The following TYR variants were observed in gnomAD, a reference collection of about 807,000 sequenced individuals.
TYR encodes tyrosinase.
In TYR, 58 loss-of-function variants were observed where a neutral mutation model predicts 51.5. The ratio of observed to expected loss-of-function variants is 1.13; its 90% CI spans 0.91 to 1.40. TYR has a LOEUF of 1.40. Among genes scored for constraint, TYR ranks in the 40% most tolerant of loss-of-function variants. TYR has a pLI of 0.00. For missense variants in TYR, 732 were observed against 647.4 expected, an observed-to-expected ratio of 1.13 and a Z score of -1.42; for synonymous variants, 263 against 235.2, an observed-to-expected ratio of 1.12 and a Z score of -1.08.
At chr11:89,182,741 T>C (rs937467206) in intron 1 of TYR, among the ~76,000 whole-genome samples, 2 of 152,124 alleles carry the variant, frequency 1.3e-5, no homozygotes, top group African/African-American at 2.4e-5. Flanking sequence ...GAGGGTTGCT[T>C]AATAACATTT....
intron 4 of TYR, among the ~76,000 whole-genome samples, chr11:89,294,425 A>G (rs952422749): frequency 5.3e-5 from 8 of 152,134 alleles, no homozygotes; most frequent in African/African-American, 1.9e-4. Flanking sequence ...CTTTACTTTC[A>G]GAGTCCTGAG....
At position 89,215,785 on chromosome 11, in the gene TYR, A is replaced by T. The variant is rs151210327; in HGVS notation, c.1037-12038A>T. 2.3e-3 allele frequency among the ~76,000 whole-genome samples: 356 copies of T among 152,204 alleles called. 3 individuals are homozygous for T. Among genetic ancestry groups the T allele is most frequent in the African/African-American group, 8.0e-3 (332 of 41,544 alleles). On this transcript the variant is annotated intron_variant, in intron 2 of 4. Coordinates refer to ENST00000263321, the MANE Select transcript of TYR (RefSeq NM_000372.5). ...TTAGAAATGTCATAAGAATCCCACC[A>T]TTTTTGGAGAGAGATCATTAATACT...
At chr11:89,248,209 T>A (rs1944289909) in intron 3 of TYR, among the ~76,000 whole-genome samples, 2 of 152,180 alleles carry the variant, frequency 1.3e-5, no homozygotes, top group Admixed American at 6.5e-5. Flanking sequence ...AGCACACAAT[T>A]ACTAGATAGA....
intron 4 of TYR, among the ~76,000 whole-genome samples, chr11:89,289,468 G>A (rs918085818): frequency 6.6e-6 from 1 of 151,932 alleles, no homozygotes; most frequent in Admixed American, 6.6e-5. Context: ...TGCATTCCCT[G>A]ACTTCACAGA....
At chr11:89,291,813 T>C (rs1590907129) in intron 4 of TYR, among the ~76,000 whole-genome samples, 1 of 151,976 alleles carries the variant, frequency 6.6e-6, no homozygotes, top group Non-Finnish European at 1.5e-5. Context: ...TGTTAATTCA[T>C]CAAGTTTATC....
intron 2 of TYR, among the ~76,000 whole-genome samples, chr11:89,194,264 A>G (rs1181939366): frequency 6.6e-6 from 1 of 152,032 alleles, no homozygotes; most frequent in Non-Finnish European, 1.5e-5. Context: ...AACATTCTTC[A>G]TTTTGAGTGT....
At chr11:89,277,009 G>A (rs896743237) in intron 3 of TYR, among the ~76,000 whole-genome samples, 8 of 151,656 alleles carry the variant, frequency 5.3e-5, no homozygotes, top group Admixed American at 5.3e-4. Context: ...CATTTATATT[G>A]TCTCATTTTA....
At chr11:89,236,234 A>G (rs911879592) in intron 3 of TYR, among the ~76,000 whole-genome samples, 4 of 132,710 alleles carry the variant, frequency 3.0e-5, no homozygotes, top group African/African-American at 6.2e-5. Flanking sequence ...TCACACACAC[A>G]TACACACACA....
Position 89,227,809 on chromosome 11 carries a change from T to A in TYR, c.1037-14T>A. On this transcript the variant is annotated splice_polypyrimidine_tract_variant and intron_variant, in intron 2 of 4. Coordinates refer to ENST00000263321, the MANE Select transcript of TYR (RefSeq NM_000372.5). ...AAAGTAAACATATTTTTTTCATTTT[T>A]TTTTAATGAACAGGATTTGCTAGTC... 6.2e-7 allele frequency: 1 copy of A among 1,610,364 alleles called. No individual in the cohort carries two copies. Among genetic ancestry groups the A allele is most frequent in the Non-Finnish European group, 8.5e-7 (1 of 1,178,770 alleles).
chr11:89,201,841 ATTTCT>A (rs1003307372), intron 2 of TYR, among the ~76,000 whole-genome samples: 2 of 152,176 alleles, frequency 1.3e-5, no homozygotes, highest in Non-Finnish European at 2.9e-5. Context: ...TTGTAGAATA[ATTTCT>A]TTTTTAAAAA....
intron 3 of TYR, among the ~76,000 whole-genome samples, chr11:89,246,035 C>A (rs1417332107): frequency 6.6e-6 from 1 of 152,002 alleles, no homozygotes; most frequent in Non-Finnish European, 1.5e-5. Flanking sequence ...GAAGCTTGGG[C>A]CAGCAGTTTT....
intron 4 of TYR, among the ~76,000 whole-genome samples, chr11:89,293,189 A>C (rs1057396943): frequency 1.1e-4 from 16 of 152,150 alleles, no homozygotes; most frequent in Admixed American, 7.9e-4. Context: ...GTATGGCTTC[A>C]GGAAAATTTT....
At chr11:89,212,232 C>T (rs1223835175) in intron 2 of TYR, among the ~76,000 whole-genome samples, 2 of 151,962 alleles carry the variant, frequency 1.3e-5, no homozygotes, top group Non-Finnish European at 2.9e-5. Context: ...CAAATATATG[C>T]AATAAGAAAT....
intron 3 of TYR, among the ~76,000 whole-genome samples, chr11:89,239,722 A>T (rs1419058155): frequency 1.3e-5 from 2 of 151,998 alleles, no homozygotes; most frequent in Non-Finnish European, 2.9e-5. Context: ...GCATCCCATA[A>T]GTTTTAGTAG....
At chr11:89,236,270 A>G (rs1055989718) in intron 3 of TYR, among the ~76,000 whole-genome samples, 2 of 151,956 alleles carry the variant, frequency 1.3e-5, no homozygotes, top group African/African-American at 4.8e-5. Flanking sequence ...GACAAGAGAA[A>G]GAGGTTTTTT....
Position 89,178,562 on chromosome 11 carries a change from A to G in TYR, c.609A>G (p.Glu203=). Residue 203 remains glutamate (E), a synonymous_variant, in exon 1 of 5, where the codon GAA becomes GAG. Transcript: ENST00000263321. ...EIWRDIDFAH[E]APAFLPWHRL... is the part of the protein sequence containing the mutation. ...GGAGAGACATTGATTTTGCCCATGA[A>G]GCACCAGCTTTTCTGCCTTGGCATA... 3.1e-6 allele frequency: 5 copies of G among 1,614,184 alleles called. No individual in the cohort carries two copies. The highest frequency in any genetic ancestry group is 4.2e-6 in the Non-Finnish European group (5 of 1,180,046).
chr11:89,289,484 A>G (rs1944832207), intron 4 of TYR, among the ~76,000 whole-genome samples: 1 of 151,996 alleles, frequency 6.6e-6, no homozygotes, highest in Non-Finnish European at 1.5e-5. Context: ...ACAGAGATGT[A>G]GGAAGTCTTT....
chr11:89,285,840 G>A (rs1343092806), intron 4 of TYR, among the ~76,000 whole-genome samples: 1 of 151,716 alleles, frequency 6.6e-6, no homozygotes, highest in Non-Finnish European at 1.5e-5. Flanking sequence ...TTCACCTAAC[G>A]CATGAGGGTT....
chr11:89,240,139 G>A (rs781684341), intron 3 of TYR, among the ~76,000 whole-genome samples: 26 of 152,028 alleles, frequency 1.7e-4, no homozygotes, highest in Non-Finnish European at 3.5e-4. Context: ...AATGGGTGCT[G>A]GGCTTAATAC....
Sources: gnomAD v4.1 joint callset for allele counts (sites outside exome capture counted in the v4.1 genomes callset) on GRCh38, gnomAD v4.1.1 for gene constraint, MANE v1.5 for transcripts, NCBI Gene and HGNC (gene_info 2026-07-23, HGNC 2026-07-21) for gene names.